The following ZFAT variants were observed in gnomAD, a reference collection of about 807,000 sequenced individuals.
ZFAT encodes the protein zinc finger and AT-hook domain containing.
ZFAT carries 64 observed loss-of-function variants against 117.7 expected under a neutral mutation model. The ratio of observed to expected loss-of-function variants is 0.54; its 90% CI spans 0.44 to 0.67. The LOEUF (loss-of-function observed/expected upper bound fraction) is 0.67, where lower values mean the gene tolerates loss of function less well. ZFAT is among the 30% of genes least tolerant of loss of function. The pLI is 0.00. For synonymous variants in ZFAT, 679 were observed against 615.0 expected, an observed-to-expected ratio of 1.10 and a Z score of -1.54; for missense variants, 1,433 against 1,584.5, an observed-to-expected ratio of 0.90 and a Z score of 1.62.
Position 134,549,104 on chromosome 8 carries a change from T to C in ZFAT, c.2977-16132A>G, listed in dbSNP as rs140115574. On this transcript the variant is annotated intron_variant, in intron 11 of 15. Coordinates refer to ENST00000377838, the MANE Select transcript of ZFAT (RefSeq NM_020863.4). Reference sequence around the variant, plus strand: ...TAAAGCTTGTGACTCTTCCAGAATGTTCTGGATGATGACACAGGCTGACAG... The same window carrying C: ...TAAAGCTTGTGACTCTTCCAGAATGCTCTGGATGATGACACAGGCTGACAG... 7.9e-5 allele frequency among the ~76,000 whole-genome samples: 12 copies of C among 152,240 alleles called. No homozygotes were observed. The East Asian group carries it at 2.3e-3, about 29-fold the overall frequency.
chr8:134,523,551 A>G (rs766365954), intron 12 of ZFAT, among the ~76,000 whole-genome samples: 4 of 152,198 alleles, frequency 2.6e-5, no homozygotes, highest in Non-Finnish European at 5.9e-5. Flanking sequence ...CACCCAGCAC[A>G]CAACATGGTC....
At chr8:134,484,986 A>G (rs1407964373) in intron 15 of ZFAT, among the ~76,000 whole-genome samples, 3 of 152,138 alleles carry the variant, frequency 2.0e-5, no homozygotes, top group African/African-American at 7.2e-5. Flanking sequence ...ATGATGATGG[A>G]GACATCATCA....
intron 12 of ZFAT, among the ~76,000 whole-genome samples, chr8:134,523,652 C>T (rs1243469727): frequency 6.6e-6 from 1 of 152,238 alleles, no homozygotes; most frequent in Non-Finnish European, 1.5e-5. Flanking sequence ...TGACTCCTCC[C>T]TGTGGCTGGC....
At chr8:134,683,000 T>C (rs1171603757) in intron 1 of ZFAT, among the ~76,000 whole-genome samples, 1 of 152,230 alleles carries the variant, frequency 6.6e-6, no homozygotes, top group Non-Finnish European at 1.5e-5. Flanking sequence ...CTGTGAGAAA[T>C]GGACAAACGC....
At chr8:134,788,790 G>A in the ZFAT span, among the ~76,000 whole-genome samples, 1 of 151,962 alleles carries the variant, frequency 6.6e-6, no homozygotes, top group Non-Finnish European at 1.5e-5. Context: ...TGTGTTTTGG[G>A]TGAATTAATT....
At chr8:134,717,839 C>T (rs374900714), upstream of ZFAT, among the ~76,000 whole-genome samples, 30 of 151,960 alleles carry the variant, frequency 2.0e-4, no homozygotes, top group African/African-American at 4.8e-4. Flanking sequence ...GGATTACAAG[C>T]GCTTGCCACC....
chr8:134,777,354 T>G, the ZFAT span, among the ~76,000 whole-genome samples: 1 of 152,330 alleles, frequency 6.6e-6, no homozygotes, highest in South Asian at 2.1e-4. Flanking sequence ...TCTTGCTTCC[T>G]GTAACATACT....
At chr8:134,805,169 TC>T in the ZFAT span, among the ~76,000 whole-genome samples, 2 of 152,238 alleles carry the variant, frequency 1.3e-5, no homozygotes, top group Admixed American at 6.5e-5. Flanking sequence ...TACAAATTTA[TC>T]TTGGTAAGTA....
chr8:134,579,348 TG>T (rs1825552298), intron 10 of ZFAT, among the ~76,000 whole-genome samples: 1 of 152,200 alleles, frequency 6.6e-6, no homozygotes, highest in African/African-American at 2.4e-5. Flanking sequence ...TCCATGTAGC[TG>T]GGGAGGCCTC....
chr8:134,790,257 A>G, the ZFAT span, among the ~76,000 whole-genome samples: 1 of 152,164 alleles, frequency 6.6e-6, no homozygotes, highest in Non-Finnish European at 1.5e-5. Context: ...CTAACCCCCT[A>G]AAAGGCTCTT....
chr8:134,521,018 AGGTT>A lies in ZFAT; in HGVS notation c.3116-21_3116-18del, dbSNP rs1456703927. The A allele has an allele frequency of 2.5e-6, 4 of 1,591,904 alleles. No homozygotes were observed. Among genetic ancestry groups the A allele is most frequent in the Admixed American group, 1.7e-5 (1 of 57,890 alleles). Reference sequence around the variant, plus strand: ...TCAAACCACCTGAAAGCACAGACAGAGGTTAAAAAAAAAATGTGTTCGTAATACA... The same window carrying A: ...TCAAACCACCTGAAAGCACAGACAGAAAAAAAAAAATGTGTTCGTAATACA... On this transcript the variant is annotated intron_variant, in intron 12 of 15. Transcript: ENST00000377838.
chr8:134,622,114 A>T (rs1243498901), intron 3 of ZFAT, among the ~76,000 whole-genome samples: 1 of 152,174 alleles, frequency 6.6e-6, no homozygotes, highest in African/African-American at 2.4e-5. Context: ...TTCACGCCCA[A>T]TTATATACAT....
At chr8:134,484,247 T>C (rs1209617414) in intron 15 of ZFAT, among the ~76,000 whole-genome samples, 1 of 152,214 alleles carries the variant, frequency 6.6e-6, no homozygotes, top group African/African-American at 2.4e-5. Context: ...CTGTGCCCAG[T>C]CCAGTGCCAC....
At chr8:134,555,912 A>C (rs1405775648) in intron 11 of ZFAT, among the ~76,000 whole-genome samples, 1 of 146,964 alleles carries the variant, frequency 6.8e-6, no homozygotes, top group African/African-American at 2.5e-5. Context: ...CTGAGGCAGG[A>C]GGATCATTTG....
At position 134,532,958 on chromosome 8, in the gene ZFAT, G is replaced by A. The variant is rs1821537181; in HGVS notation, c.2991C>T (p.Ala997=). 1 of 1,605,396 alleles carries A rather than the reference G, an allele frequency of 6.2e-7. No individual in the cohort carries two copies. The highest frequency in any genetic ancestry group is 8.5e-7 in the Non-Finnish European group (1 of 1,176,034). ...ATATGTTGCAGGAGTAATGGCAATGGGCACAGCGGAAAGGCTGCGGGGACA... is the reference window on the plus strand; with the variant it reads ...ATATGTTGCAGGAGTAATGGCAATGAGCACAGCGGAAAGGCTGCGGGGACA... ...QHVSFKPFRC[A]HCHYSCNISG... is the part of the protein sequence containing the mutation. The change falls in exon 12 of 16, where the codon GCC becomes GCT. Residue 997 remains alanine, a synonymous_variant. Coordinates refer to ENST00000377838, the MANE Select transcript of ZFAT (RefSeq NM_020863.4).
chr8:134,669,897 G>A (rs1832464234), intron 1 of ZFAT, among the ~76,000 whole-genome samples: 1 of 152,156 alleles, frequency 6.6e-6, no homozygotes, highest in African/African-American at 2.4e-5. Context: ...AAAATAAAGG[G>A]ATGGAGAAAG....
At chr8:134,658,992 G>A (rs186145460) in intron 1 of ZFAT, among the ~76,000 whole-genome samples, 52 of 152,300 alleles carry the variant, frequency 3.4e-4, no homozygotes, top group African/African-American at 1.1e-3. Flanking sequence ...GTGTGCCCTC[G>A]CCCAGCAGCT....
intron 1 of ZFAT, among the ~76,000 whole-genome samples, chr8:134,688,794 G>A (rs1380979256): frequency 6.6e-6 from 1 of 152,162 alleles, no homozygotes; most frequent in East Asian, 1.9e-4. Flanking sequence ...CCCATCAAGA[G>A]AAGGAAGAGA....
intron 1 of ZFAT, among the ~76,000 whole-genome samples, chr8:134,680,682 A>G (rs1833032028): frequency 6.6e-6 from 1 of 152,178 alleles, no homozygotes; most frequent in Non-Finnish European, 1.5e-5. Flanking sequence ...ATATTGTATG[A>G]TAGTTAGTTA....
Sources: allele counts gnomAD v4.1 joint callset (sites outside exome capture counted in the v4.1 genomes callset), GRCh38; gene constraint gnomAD v4.1.1; transcripts MANE v1.5; gene names NCBI Gene and HGNC (gene_info 2026-07-23, HGNC 2026-07-21).